Variants in WRN observed in about 807,000 individuals in gnomAD.
WRN encodes bifunctional 3'-5' exonuclease/ATP-dependent helicase WRN.
In WRN, 149 loss-of-function variants were observed where a neutral mutation model predicts 180.7. The ratio of observed to expected loss-of-function variants is 0.82; its 90% CI spans 0.72 to 0.94. The LOEUF is 0.94. Among genes scored for constraint, WRN ranks in the 40% least tolerant of loss-of-function variants. The probability of loss-of-function intolerance (pLI) is 0.00; values close to 1 mark genes in which losing one functional copy is unlikely to be tolerated. For synonymous variants in WRN, 548 were observed against 568.9 expected (o/e 0.96, Z 0.52); for missense variants, 1,661 against 1,700.1 (o/e 0.98, Z 0.40).
chr8:31,095,546 G>T (rs775457442), intron 16 of WRN, among the ~76,000 whole-genome samples: 12 of 152,090 alleles, frequency 7.9e-5, no homozygotes, highest in Non-Finnish European at 1.0e-4. Flanking sequence ...TTAGATTTAC[G>T]ATTCATTTTT....
In WRN at chr8:31,173,177, AGGAGTAGTATTTT is replaced by A; in HGVS notation, c.*78_*90del. On this transcript the variant is annotated 3_prime_UTR_variant, in exon 35 of 35. Coordinates refer to ENST00000298139, the MANE Select transcript of WRN (RefSeq NM_000553.6). ...AGCTATATTTTATTTCTGAAGAGTA[AGGAGTAGTATTTT>A]GGCTTAAAAATCATTCTAATTACAA... 7.2e-7 allele frequency: 1 copy of A among 1,392,958 alleles called. No homozygotes were observed. Among genetic ancestry groups the A allele is most frequent in the Non-Finnish European group, 1.0e-6 (1 of 988,944 alleles). The allele number at this position is 1,392,958 out of a possible 1,614,324, so 86.3% of individuals were successfully genotyped here. A position where few individuals can be genotyped will look rare whatever the true frequency, so the allele number is the denominator to read the frequency against.
chr8:31,088,011 G>T, intron 12 of WRN, 91 bp downstream of exon 12: 1 of 1,546,756 alleles, frequency 6.5e-7, no homozygotes, highest in Non-Finnish European at 8.7e-7. Flanking sequence ...TTGGAGGTCA[G>T]GGACTTTGTG....
chr8:31,035,006 G>T (rs1811394209), intron 1 of WRN, among the ~76,000 whole-genome samples: 1 of 151,916 alleles, frequency 6.6e-6, no homozygotes, highest in Non-Finnish European at 1.5e-5. Flanking sequence ...TGCCTCTCTG[G>T]GCCTGATAAT....
chr8:31,145,700 G>A (rs11574353), intron 28 of WRN, among the ~76,000 whole-genome samples: 2,525 of 152,112 alleles, frequency 0.017, 79 homozygotes, highest in African/African-American at 0.056. Context: ...ATCAGAGATG[G>A]GTTTTTAAGA....
rs181033722 is a variant in WRN at position 31,081,052 on chromosome 8, T to A, written c.1025T>A (p.Val342Asp). Residue 342 changes from valine (V) to aspartate (D), a missense_variant, in exon 9 of 35, where the codon GTT becomes GAT. Coordinates refer to ENST00000298139, the MANE Select transcript of WRN (RefSeq NM_000553.6). ...AGAGAACATGAAGTTTTAATTCACG[T>A]TGAAGATGAAACATGGGACCCAACA... ...QIREHEVLIH[V>D]EDETWDPTLD... The A allele has an allele frequency of 6.2e-7, 1 of 1,613,972 alleles. No homozygotes were observed. The highest frequency in any genetic ancestry group is 1.1e-5 in the South Asian group (1 of 91,080).
intron 33 of WRN, among the ~76,000 whole-genome samples, chr8:31,164,534 T>G (rs1803772250): frequency 6.6e-6 from 1 of 152,210 alleles, no homozygotes; most frequent in Non-Finnish European, 1.5e-5. Flanking sequence ...GTTAAGTAGA[T>G]TTTGTCTGGA....
At chr8:31,138,824 G>A (rs1802497064) in intron 24 of WRN, among the ~76,000 whole-genome samples, 1 of 152,092 alleles carries the variant, frequency 6.6e-6, no homozygotes. Context: ...AGAAGCCTAT[G>A]TTTTAAGTCC....
Position 31,120,287 on chromosome 8 carries a change from T to A in WRN, c.2493T>A (p.Ala831=), listed in dbSNP as rs760382364. The part of the protein sequence containing the change: ...TIAFGMGINK[A]DIRQVIHYGA... ...CTTTTGGAATGGGCATTAATAAAGC[T>A]GACATTCGCCAAGTCATTCATTACG... The change falls in exon 21 of 35, where the codon GCT becomes GCA. Residue 831 remains alanine (A), a synonymous_variant. Coordinates refer to ENST00000298139, the MANE Select transcript of WRN (RefSeq NM_000553.6). The A allele has an allele frequency of 5.6e-6, 9 of 1,613,054 alleles. No homozygotes were observed. Among genetic ancestry groups the A allele is most frequent in the Non-Finnish European group, 7.6e-6 (9 of 1,179,196 alleles).
intron 11 of WRN, 170 bp from the exon 12 acceptor site, chr8:31,087,606 A>G: frequency 1.6e-6 from 1 of 623,124 alleles, no homozygotes; most frequent in Non-Finnish European, 2.8e-6. Context: ...GAAACCATTC[A>G]TGAGCACATA....
In WRN at chr8:31,096,753, T is replaced by C; in HGVS notation, c.1899-15T>C. ...GTTTTTTTTTTTTTCTTTTTTCTTTTGTTTGTTTTTACAGAGGTAAATACC... is the reference window on the plus strand; with the variant it reads ...GTTTTTTTTTTTTTCTTTTTTCTTTCGTTTGTTTTTACAGAGGTAAATACC... On this transcript the variant is annotated splice_polypyrimidine_tract_variant and intron_variant, in intron 16 of 34. Coordinates refer to ENST00000298139, the MANE Select transcript of WRN (RefSeq NM_000553.6). 1 of 1,593,538 alleles carries C rather than the reference T, an allele frequency of 6.3e-7. No individual in the cohort carries two copies. The highest frequency in any genetic ancestry group is 8.5e-7 in the Non-Finnish European group (1 of 1,171,472).
At chr8:31,095,373 C>G (rs1306139961) in intron 16 of WRN, among the ~76,000 whole-genome samples, 1 of 152,112 alleles carries the variant, frequency 6.6e-6, no homozygotes, top group Non-Finnish European at 1.5e-5. Flanking sequence ...GCTTTTCATA[C>G]TTTCCACACA....
chr8:31,157,545 C>T lies in WRN; in HGVS notation c.3982+15C>T, dbSNP rs771408059. 1.1e-5 allele frequency: 18 copies of T among 1,613,828 alleles called. No homozygotes were observed. The East Asian group carries it at 4.0e-4, about 36-fold the overall frequency. On this transcript the variant is annotated intron_variant, in intron 33 of 34. Transcript: ENST00000298139. ...CGTCAACTCAGGTGAGAGGCATGGC[C>T]TAGCTCTGCACCCTTAATGACTTGA...
intron 27 of WRN, among the ~76,000 whole-genome samples, chr8:31,142,957 T>A (rs1299019973): frequency 6.6e-6 from 1 of 151,926 alleles, no homozygotes; most frequent in Admixed American, 6.6e-5. Flanking sequence ...TCATTTGGCT[T>A]AGAGTAGTCA....
chr8:31,166,750 A>G (rs1803882311), intron 33 of WRN, among the ~76,000 whole-genome samples: 1 of 152,148 alleles, frequency 6.6e-6, no homozygotes, highest in Non-Finnish European at 1.5e-5. Context: ...TTCTCAAGGC[A>G]GCCCACAAAA....
intron 27 of WRN, 88 bp from the exon 28 acceptor site, chr8:31,143,462 T>G: frequency 1.1e-6 from 1 of 891,312 alleles, no homozygotes; most frequent in Non-Finnish European, 1.8e-6. Flanking sequence ...GAAAAAATTG[T>G]GATTTTGAGA....
chr8:31,098,926 A>G (rs1814098886), intron 17 of WRN, among the ~76,000 whole-genome samples: 1 of 152,144 alleles, frequency 6.6e-6, no homozygotes, highest in Admixed American at 6.5e-5. Context: ...GTTTTAACCT[A>G]TTTAATTTAA....
At chr8:31,125,570 G>A (rs1415972916) in intron 23 of WRN, among the ~76,000 whole-genome samples, 13 of 37,868 alleles carry the variant, frequency 3.4e-4, no homozygotes, top group South Asian at 7.6e-4. Flanking sequence ...ATATATATAT[G>A]GGGAGGGAAA....
chr8:31,140,659 A>G (rs538575150), intron 24 of WRN, among the ~76,000 whole-genome samples: 32 of 152,266 alleles, frequency 2.1e-4, no homozygotes, highest in Non-Finnish European at 4.0e-4. Flanking sequence ...ATCATGTGCA[A>G]AAGCACAGTA....
chr8:31,168,675 C>T (rs553539862), intron 34 of WRN, among the ~76,000 whole-genome samples: 10 of 152,234 alleles, frequency 6.6e-5, no homozygotes, highest in African/African-American at 2.4e-4. Context: ...CTTCATTAGC[C>T]TCCCTGTATG....
Sources: allele counts gnomAD v4.1 joint callset (sites outside exome capture counted in the v4.1 genomes callset), GRCh38; gene constraint gnomAD v4.1.1; transcripts MANE v1.5; gene names NCBI Gene and HGNC (gene_info 2026-07-23, HGNC 2026-07-21).